Variants in GSE1 observed in about 807,000 individuals in gnomAD.
GSE1 encodes genetic suppressor element 1.
In GSE1, 32 loss-of-function variants were observed where a neutral mutation model predicts 112.6. That is an observed-to-expected ratio of 0.28 (90% CI 0.21 to 0.38). The LOEUF is 0.38. Among genes scored for constraint, GSE1 ranks in the 10% least tolerant of loss-of-function variants. The pLI, the probability that GSE1 is intolerant of heterozygous loss-of-function variation, is 1.00. For synonymous variants in GSE1, 1,115 were observed against 735.6 expected (o/e 1.52, Z -8.35); for missense variants, 2,348 against 1,699.2 (o/e 1.38, Z -6.71).
At chr16:85,441,371 G>A (rs76048420) in intron 2 of GSE1, among the ~76,000 whole-genome samples, 2,950 of 152,302 alleles carry the variant, frequency 0.019, 51 homozygotes, top group East Asian at 0.1. Flanking sequence ...AACAGGGGAC[G>A]TGGTCTGGCG....
intron 1 of GSE1, among the ~76,000 whole-genome samples, chr16:85,618,719 G>A (rs1252298365): frequency 6.6e-6 from 1 of 152,242 alleles, no homozygotes; most frequent in South Asian, 2.1e-4. Flanking sequence ...GCGCAGTGGT[G>A]CGATCACAGC....
chr16:85,673,064 C>T lies in GSE1; in HGVS notation c.*525C>T, dbSNP rs1425486579. 6.6e-6 allele frequency: 1 copy of T among 152,034 alleles called. No homozygotes were observed. The highest frequency in any genetic ancestry group is 2.4e-5 in the African/African-American group (1 of 41,322). The allele number at this position is 152,034 out of a possible 1,614,324, so 9.4% of individuals were successfully genotyped here. A position where few individuals can be genotyped will look rare whatever the true frequency, so the allele number is the denominator to read the frequency against. On this transcript the variant is annotated 3_prime_UTR_variant, in exon 16 of 16. Coordinates refer to ENST00000253458, the MANE Select transcript of GSE1 (RefSeq NM_014615.5). ...GGGCTTATTTGTTTCATTTTACTTTCCTGCAAAATTTTCTTCAAAGCAACA... is the reference window on the plus strand; with the variant it reads ...GGGCTTATTTGTTTCATTTTACTTTTCTGCAAAATTTTCTTCAAAGCAACA...
At chr16:85,229,885 G>C (rs74852168) in intron 1 of GSE1, among the ~76,000 whole-genome samples, 7 of 152,344 alleles carry the variant, frequency 4.6e-5, no homozygotes, top group East Asian at 1.9e-4. Flanking sequence ...GGGTGAGAAG[G>C]GGGTAGAGGG....
intron 2 of GSE1, among the ~76,000 whole-genome samples, chr16:85,491,783 TG>T (rs1350424392): frequency 6.6e-6 from 1 of 151,742 alleles, no homozygotes; most frequent in Non-Finnish European, 1.5e-5. Context: ...AGGGGCAGAG[TG>T]GGGGTGACAC....
chr16:85,654,228 C>T (rs753661484), intron 3 of GSE1, 50 bp from the exon 4 acceptor site: 13 of 1,529,974 alleles, frequency 8.5e-6, no homozygotes, highest in Admixed American at 3.9e-5. Flanking sequence ...GTCCTGTGGT[C>T]AGTGGCCTAT....
At chr16:85,357,626 C>T in exon 2 of GSE1, 1 of 1,288,932 alleles carries the variant, frequency 7.8e-7, no homozygotes, top group Non-Finnish European at 1.0e-6. Flanking sequence ...GAGGACGGAC[C>T]AGACCTTACT....
intron 2 of GSE1, among the ~76,000 whole-genome samples, chr16:85,502,556 G>C (rs1327560065): frequency 6.6e-6 from 1 of 152,258 alleles, no homozygotes; most frequent in Non-Finnish European, 1.5e-5. Flanking sequence ...CCAGGCCTGA[G>C]CCAAGGCCTC....
intron 2 of GSE1, among the ~76,000 whole-genome samples, chr16:85,431,515 C>G (rs2049120645): frequency 6.6e-6 from 1 of 152,256 alleles, no homozygotes; most frequent in South Asian, 2.1e-4. Context: ...CGTCTCTGAT[C>G]CAACGCCTGC....
At chr16:85,662,755 C>T (rs934615344) in intron 9 of GSE1, 12 of 536,358 alleles carry the variant, frequency 2.2e-5, no homozygotes, top group Middle Eastern at 4.9e-4. Context: ...CACCCAGCTA[C>T]TGGGAGCCAT....
At position 85,394,492 on chromosome 16, in the gene GSE1, A is replaced by G. The variant is rs549600967; in HGVS notation, c.2464+36849A>G. Among the ~76,000 whole-genome samples the G allele has an allele frequency of 3.9e-5, 6 of 152,138 alleles. No individual in the cohort carries two copies. The South Asian group carries it at 1.0e-3, about 26-fold the overall frequency. Reference sequence around the variant, plus strand: ...GCGAATGATTTGGGTGGTTCCTCGGATGAGCGGCTTGAGGGGGCTCTGCTT... The same window carrying G: ...GCGAATGATTTGGGTGGTTCCTCGGGTGAGCGGCTTGAGGGGGCTCTGCTT... On this transcript the variant is annotated intron_variant, in intron 2 of 2. Transcript: ENST00000637419.
chr16:85,567,865 CG>C (rs2045825831), intron 1 of GSE1, among the ~76,000 whole-genome samples: 2 of 151,982 alleles, frequency 1.3e-5, no homozygotes, highest in East Asian at 1.9e-4. Context: ...TGGGATCACA[CG>C]TATGCACCAC....
At chr16:85,194,171 T>A (rs2074882932) in intron 1 of GSE1, among the ~76,000 whole-genome samples, 1 of 152,184 alleles carries the variant, frequency 6.6e-6, no homozygotes. Flanking sequence ...TCACCTTCTC[T>A]CTTTGCTGCT....
chr16:85,290,309 C>T (rs1161332198), intron 1 of GSE1, among the ~76,000 whole-genome samples: 1 of 152,228 alleles, frequency 6.6e-6, no homozygotes, highest in Admixed American at 6.5e-5. Flanking sequence ...GCCATGTCCA[C>T]GTCACCCCCA....
At chr16:85,395,046 G>C (rs556074986) in intron 2 of GSE1, among the ~76,000 whole-genome samples, 2 of 152,228 alleles carry the variant, frequency 1.3e-5, no homozygotes, top group Non-Finnish European at 2.9e-5. Context: ...GGGCATTCTC[G>C]ACGCGGGGAA....
intron 1 of GSE1, among the ~76,000 whole-genome samples, chr16:85,337,297 C>T (rs9923587): frequency 0.093 from 13,680 of 147,542 alleles, 735 homozygotes; most frequent in African/African-American, 0.15. Flanking sequence ...TTTTTTTTTT[C>T]TTTTCTTTTC....
chr16:85,170,138 C>T, exon 1 of GSE1: 2 of 985,326 alleles, frequency 2.0e-6, no homozygotes, highest in East Asian at 1.1e-4. Context: ...GGGCCAGGGC[C>T]TCGCGGGGGG....
chr16:85,207,946 C>G (rs2075149651), intron 1 of GSE1: 1 of 152,094 alleles, frequency 6.6e-6, no homozygotes, highest in African/African-American at 2.4e-5. Context: ...CAGGGGCTCA[C>G]TCAAGGGCCC....
intron 2 of GSE1, among the ~76,000 whole-genome samples, chr16:85,394,130 AC>A (rs1181873259): frequency 6.0e-5 from 9 of 150,714 alleles, no homozygotes; most frequent in South Asian, 2.1e-4. Flanking sequence ...GCTGTCGGGG[AC>A]CGGGGAAGGC....
At chr16:85,507,895 G>A (rs751192448) in intron 2 of GSE1, among the ~76,000 whole-genome samples, 40 of 152,264 alleles carry the variant, frequency 2.6e-4, no homozygotes, top group Middle Eastern at 3.4e-3. Flanking sequence ...GAAGAGTTGC[G>A]AGCACACGCC....
Sources: gnomAD v4.1 joint callset for allele counts (sites outside exome capture counted in the v4.1 genomes callset) on GRCh38, gnomAD v4.1.1 for gene constraint, MANE v1.5 for transcripts, NCBI Gene and HGNC (gene_info 2026-07-23, HGNC 2026-07-21) for gene names.